Variants in UNC13C observed in about 807,000 individuals in gnomAD.
The protein encoded by UNC13C is unc-13 homolog C.
In UNC13C, 174 loss-of-function variants were observed where a neutral mutation model predicts 245.4. The ratio of observed to expected loss-of-function variants is 0.71; its 90% CI spans 0.63 to 0.80. UNC13C has a LOEUF of 0.80. Ranked by LOEUF, UNC13C falls within the 30% of genes least tolerant of loss-of-function variation. The pLI, the probability that UNC13C is intolerant of heterozygous loss-of-function variation, is 0.00. For synonymous variants in UNC13C, 992 were observed against 895.1 expected (o/e 1.11, Z -1.93); for missense variants, 2,829 against 2,602.9 (o/e 1.09, Z -1.89).
chr15:54,598,254 G>A (rs1009080956), intron 30 of UNC13C, among the ~76,000 whole-genome samples: 3 of 152,052 alleles, frequency 2.0e-5, no homozygotes, highest in African/African-American at 4.8e-5. Context: ...CACCACACCC[G>A]GCTAATTTTT....
the UNC13C span, among the ~76,000 whole-genome samples, chr15:53,845,895 G>C: frequency 6.6e-6 from 1 of 152,198 alleles, no homozygotes; most frequent in African/African-American, 2.4e-5. Context: ...CCCCGCTTAG[G>C]ATGGTTTGAC....
intron 17 of UNC13C, among the ~76,000 whole-genome samples, chr15:54,381,586 A>T (rs184728509): frequency 2.6e-5 from 4 of 152,244 alleles, no homozygotes; most frequent in Admixed American, 6.5e-5. Context: ...ATCCATAAAC[A>T]TTGGACATCT....
chr15:53,863,367 A>T, the UNC13C span, among the ~76,000 whole-genome samples: 20,042 of 152,188 alleles, frequency 0.13, 1,506 homozygotes, highest in Admixed American at 0.21. Flanking sequence ...GAAGTGACAC[A>T]CATTTCTAAT....
At chr15:54,314,056 C>G (rs2037944659) in intron 13 of UNC13C, among the ~76,000 whole-genome samples, 1 of 148,328 alleles carries the variant, frequency 6.7e-6, no homozygotes, top group African/African-American at 2.5e-5. Context: ...TGCATAATCT[C>G]ACTTATATGT....
intron 10 of UNC13C, among the ~76,000 whole-genome samples, chr15:54,274,580 C>G (rs1197426001): frequency 3.3e-5 from 5 of 151,216 alleles, no homozygotes; most frequent in Non-Finnish European, 7.4e-5. Flanking sequence ...CATAAATATC[C>G]ACTTAAAGGT....
At chr15:53,980,752 C>A (rs1438161800) in intron 1 of UNC13C, among the ~76,000 whole-genome samples, 1 of 152,150 alleles carries the variant, frequency 6.6e-6, no homozygotes, top group Admixed American at 6.5e-5. Context: ...TAGGTAAATT[C>A]ATGCCCAGGT....
chr15:54,364,785 C>T (rs565102589), intron 17 of UNC13C, among the ~76,000 whole-genome samples: 73 of 152,150 alleles, frequency 4.8e-4, no homozygotes, highest in African/African-American at 1.6e-3. Context: ...TAGATGGTGC[C>T]GGTAACACAC....
intron 17 of UNC13C, among the ~76,000 whole-genome samples, chr15:54,357,261 TTTA>T (rs1225297231): frequency 6.6e-6 from 1 of 152,024 alleles, no homozygotes; most frequent in African/African-American, 2.4e-5. Context: ...AAAGCAGTGT[TTTA>T]TTATAAATTT....
intron 24 of UNC13C, among the ~76,000 whole-genome samples, chr15:54,516,721 A>T (rs975984077): frequency 1.3e-5 from 2 of 149,526 alleles, no homozygotes; most frequent in African/African-American, 4.9e-5. Flanking sequence ...AATCACTTGA[A>T]CCCTAGAGGC....
the UNC13C span, chr15:53,972,887 A>G: frequency 6.6e-6 from 1 of 152,188 alleles, no homozygotes; most frequent in African/African-American, 2.4e-5. Context: ...ATCCTTTCCA[A>G]TATTGAACAA....
At chr15:53,954,889 G>A in the UNC13C span, among the ~76,000 whole-genome samples, 5 of 152,168 alleles carry the variant, frequency 3.3e-5, no homozygotes, top group African/African-American at 4.8e-5. Flanking sequence ...CAGAGTATCA[G>A]TGTACTATTA....
At chr15:54,166,238 G>A (rs1350448713) in intron 4 of UNC13C, among the ~76,000 whole-genome samples, 1 of 151,840 alleles carries the variant, frequency 6.6e-6, no homozygotes, top group Non-Finnish European at 1.5e-5. Flanking sequence ...GAAAAATTAT[G>A]AGAATATTTG....
At chr15:54,128,831 T>C (rs1253225993) in intron 2 of UNC13C, among the ~76,000 whole-genome samples, 1 of 152,202 alleles carries the variant, frequency 6.6e-6, no homozygotes, top group African/African-American at 2.4e-5. Flanking sequence ...AATTAGTACC[T>C]AATTGCTGCT....
downstream of UNC13C, chr15:54,630,922 G>T (rs1432792110): frequency 6.6e-6 from 1 of 151,964 alleles, no homozygotes; most frequent in Non-Finnish European, 1.5e-5. Context: ...GGTTTAATTG[G>T]TGATTTTTTT....
chr15:53,842,086 G>A, the UNC13C span, among the ~76,000 whole-genome samples: 5 of 152,208 alleles, frequency 3.3e-5, no homozygotes, highest in East Asian at 9.7e-4. Context: ...ATAAATTGAA[G>A]CTTTCAGTAA....
intron 2 of UNC13C, among the ~76,000 whole-genome samples, chr15:54,061,710 T>C (rs1897844491): frequency 6.6e-6 from 1 of 152,130 alleles, no homozygotes. Flanking sequence ...GGGCTCTCAT[T>C]CTATAAAACC....
chr15:54,307,774 A>G (rs1407820869), intron 13 of UNC13C, among the ~76,000 whole-genome samples: 1 of 151,812 alleles, frequency 6.6e-6, no homozygotes, highest in African/African-American at 2.4e-5. Flanking sequence ...TGTACTCAAA[A>G]TCTCCATAAC....
At chr15:54,572,151 C>T (rs943135805) in intron 30 of UNC13C, among the ~76,000 whole-genome samples, 2 of 151,892 alleles carry the variant, frequency 1.3e-5, no homozygotes, top group Admixed American at 6.6e-5. Flanking sequence ...TGCCAGATCC[C>T]GGGTCAACAT....
intron 4 of UNC13C, among the ~76,000 whole-genome samples, chr15:54,193,461 C>A (rs928905505): frequency 6.6e-6 from 1 of 152,054 alleles, no homozygotes; most frequent in Non-Finnish European, 1.5e-5. Flanking sequence ...AGGCAATCAC[C>A]TTTTACTACT....
Sources: allele counts gnomAD v4.1 joint callset (sites outside exome capture counted in the v4.1 genomes callset), GRCh38; gene constraint gnomAD v4.1.1; transcripts MANE v1.5; gene names NCBI Gene and HGNC (gene_info 2026-07-23, HGNC 2026-07-21).